The following ERO1A variants were observed in gnomAD, a reference collection of about 807,000 sequenced individuals.
ERO1A encodes the protein endoplasmic reticulum oxidoreductase 1 alpha, also known as ERO1-like protein alpha.
ERO1A carries 49 observed loss-of-function variants against 76.9 expected under a neutral mutation model. The observed-to-expected ratio is 0.64, with a 90% CI of 0.51 to 0.81. ERO1A has a LOEUF of 0.81. ERO1A is among the 30% of genes least tolerant of loss of function. ERO1A has a pLI of 0.00. For synonymous variants in ERO1A, 174 were observed against 181.2 expected, an observed-to-expected ratio of 0.96 and a Z score of 0.32; for missense variants, 448 against 542.1, an observed-to-expected ratio of 0.83 and a Z score of 1.72.
intron 12 of ERO1A, 122 bp from the exon 13 acceptor site, chr14:52,652,430 G>A (rs1250236438): frequency 1.1e-5 from 7 of 611,736 alleles, no homozygotes; most frequent in Middle Eastern, 4.6e-4. Context: ...CCAACACTCC[G>A]ATGCCCCAAA....
Position 52,646,227 on chromosome 14 carries a change from G to A in ERO1A, c.1273C>T (p.Pro425Ser), listed in dbSNP as rs745834965. 30 of 1,613,544 alleles carry A rather than the reference G, an allele frequency of 1.9e-5. No individual in the cohort carries two copies. Among genetic ancestry groups the A allele is most frequent in the Non-Finnish European group, 2.5e-5 (30 of 1,179,766 alleles). Residue 425 changes from proline (P) to serine (S), a missense_variant, in exon 15 of 16, where the codon CCA becomes TCA. Around this residue, in one of 2 missense-constraint regions of ERO1A, gnomAD observed 302 missense variants for 411.9 expected, o/e 0.73. Transcript: ENST00000395686. Reference sequence around the variant, plus strand: ...AATTCATAACTAGGTCCACTTTCTGGCATATTTGCTATCAATTTCTCAGAA... The same window carrying A: ...AATTCATAACTAGGTCCACTTTCTGACATATTTGCTATCAATTTCTCAGAA... ...LFSEKLIANMPESGPSYEFHL... is the reference protein window; with the variant it reads ...LFSEKLIANMSESGPSYEFHL...
intron 3 of ERO1A, among the ~76,000 whole-genome samples, chr14:52,681,777 G>A (rs953915120): frequency 2.0e-5 from 3 of 151,346 alleles, no homozygotes; most frequent in African/African-American, 7.3e-5. Flanking sequence ...CACACCCCAG[G>A]AAATCCAAGG....
intron 4 of ERO1A, among the ~76,000 whole-genome samples, chr14:52,673,263 A>T (rs1002865384): frequency 6.6e-6 from 1 of 151,784 alleles, no homozygotes; most frequent in African/African-American, 2.4e-5. Context: ...CTAATTTTTT[A>T]AATTTTTTTA....
At chr14:52,665,880 G>T (rs1475417454) in intron 7 of ERO1A, among the ~76,000 whole-genome samples, 1 of 152,190 alleles carries the variant, frequency 6.6e-6, no homozygotes, top group Non-Finnish European at 1.5e-5. Context: ...AGAAGAAAAT[G>T]TATATAACAT....
chr14:52,678,716 AG>A (rs1266942910), intron 3 of ERO1A, among the ~76,000 whole-genome samples: 6 of 152,252 alleles, frequency 3.9e-5, no homozygotes, highest in African/African-American at 1.4e-4. Flanking sequence ...ATAATCATTT[AG>A]CCATTATCCC....
intron 4 of ERO1A, among the ~76,000 whole-genome samples, chr14:52,675,908 C>G (rs373522202): frequency 6.6e-6 from 1 of 152,218 alleles, no homozygotes; most frequent in Admixed American, 6.5e-5. Context: ...TGGTCTCGAA[C>G]TCCTGGGCTC....
intron 6 of ERO1A, among the ~76,000 whole-genome samples, chr14:52,670,638 T>C (rs2040568170): frequency 6.6e-6 from 1 of 152,206 alleles, no homozygotes; most frequent in South Asian, 2.1e-4. Flanking sequence ...CGGTTCAATA[T>C]TCACTTCTCC....
chr14:52,666,230 GATTAA>G (rs1216602105), intron 7 of ERO1A, 140 bp downstream of exon 7: 1 of 654,774 alleles, frequency 1.5e-6, no homozygotes, highest in Admixed American at 3.3e-5. Context: ...AAGGAAACTG[GATTAA>G]TGAATAGTCA....
chr14:52,669,865 T>C (rs1288314098), intron 6 of ERO1A, among the ~76,000 whole-genome samples: 1 of 152,212 alleles, frequency 6.6e-6, no homozygotes, highest in African/African-American at 2.4e-5. Context: ...TTTATGGAGA[T>C]TGTAGGCTGC....
chr14:52,677,542 T>C (rs1472999781), intron 4 of ERO1A, among the ~76,000 whole-genome samples: 11 of 152,046 alleles, frequency 7.2e-5, no homozygotes. Flanking sequence ...GGTGGGATCC[T>C]AGAACAGGTA....
At position 52,646,275 on chromosome 14, in the gene ERO1A, C is replaced by A; in HGVS notation, c.1225G>T (p.Gly409Cys). ...GAAAATAAGATCTTCAGAGCAGTGC[C>A]CAAACCCTGAGTCTGTAATAGAAAT... Reference protein sequence around the residue: ...LWGKLQTQGLGTALKILFSEK... With the variant: ...LWGKLQTQGLCTALKILFSEK... Residue 409 changes from glycine to cysteine, a missense_variant, in exon 15 of 16, where the codon GGC becomes TGC. Gly to Cys is a radical substitution (Grantham distance 159). Around this residue, in one of 2 missense-constraint regions of ERO1A, gnomAD observed 302 missense variants for 411.9 expected, o/e 0.73. Transcript: ENST00000395686. 6.2e-7 allele frequency: 1 copy of A among 1,611,004 alleles called. No homozygotes were observed.
intron 8 of ERO1A, 49 bp downstream of exon 8, chr14:52,663,752 A>G: frequency 8.6e-7 from 1 of 1,158,524 alleles, no homozygotes; most frequent in Non-Finnish European, 1.3e-6. Context: ...CCTTTGAATT[A>G]AAGTTCCCTG....
rs138117786 is a variant in ERO1A at position 52,656,753 on chromosome 14, A to C, written c.808+1164T>G. Among the ~76,000 whole-genome samples, 184 of 152,036 alleles carry C rather than the reference A, an allele frequency of 1.2e-3. 1 individual carries two copies. Among genetic ancestry groups the C allele is most frequent in the African/African-American group, 4.3e-3 (179 of 41,458 alleles). Reference sequence around the variant, plus strand: ...AAACAGTAAAATTACTAATGAGTTTAAACCGCCATTTAAAATCAAAGTTAC... The same window carrying C: ...AAACAGTAAAATTACTAATGAGTTTCAACCGCCATTTAAAATCAAAGTTAC... On this transcript the variant is annotated intron_variant, in intron 11 of 15. Coordinates refer to ENST00000395686, the MANE Select transcript of ERO1A (RefSeq NM_014584.3).
intron 3 of ERO1A, among the ~76,000 whole-genome samples, chr14:52,681,862 T>C (rs2041007372): frequency 1.3e-5 from 2 of 152,158 alleles, no homozygotes; most frequent in South Asian, 4.1e-4. Context: ...ATGCTATATA[T>C]ATAACTTGGT....
rs79553370 is a variant in ERO1A, at chr14:52,667,944, A to C, written c.509-1449T>G. Among the ~76,000 whole-genome samples the C allele has an allele frequency of 4.3e-3, 649 of 151,782 alleles. 10 individuals carry two copies. Among genetic ancestry groups the C allele is most frequent in the Admixed American group, 0.034 (517 of 15,264 alleles). ...TACCTATTTTTATTATTAAAAAAAA[A>C]CCACAAAAACAAAAAAAAACCCTAA... On this transcript the variant is annotated intron_variant, in intron 6 of 15. Transcript: ENST00000395686.
intron 1 of ERO1A, among the ~76,000 whole-genome samples, chr14:52,688,627 T>C (rs2041255730): frequency 6.6e-6 from 1 of 152,058 alleles, no homozygotes; most frequent in Admixed American, 6.6e-5. Flanking sequence ...ATAAGAAAAA[T>C]ACAGCCGAAT....
intron 1 of ERO1A, among the ~76,000 whole-genome samples, chr14:52,692,635 G>C (rs1346273563): frequency 6.6e-6 from 1 of 152,116 alleles, no homozygotes; most frequent in Non-Finnish European, 1.5e-5. Context: ...TAAGTGCTTA[G>C]GATCTGTGCC....
chr14:52,686,790 G>C (rs563770869), intron 1 of ERO1A, among the ~76,000 whole-genome samples: 1 of 151,930 alleles, frequency 6.6e-6, no homozygotes, highest in Non-Finnish European at 1.5e-5. Context: ...CCGGAGAATC[G>C]CTTGAACCGG....
chr14:52,692,232 T>G (rs1160224689), intron 1 of ERO1A, among the ~76,000 whole-genome samples: 2 of 152,228 alleles, frequency 1.3e-5, no homozygotes, highest in East Asian at 3.8e-4. Flanking sequence ...TTTTTTGATC[T>G]CCCAAAAATT....
Sources: allele counts gnomAD v4.1 joint callset (sites outside exome capture counted in the v4.1 genomes callset), GRCh38; gene constraint gnomAD v4.1.1; regional missense constraint gnomAD v4.1.1; transcripts MANE v1.5; gene names NCBI Gene and HGNC (gene_info 2026-07-23, HGNC 2026-07-21).